SLIT2: variants seen among roughly 807,000 people sequenced by gnomAD.
The protein encoded by SLIT2 is slit homolog 2 protein.
A neutral mutation model predicts 185.7 loss-of-function variants in SLIT2; 41 were observed. The observed-to-expected ratio is 0.22, with a 90% CI of 0.17 to 0.29. The LOEUF (loss-of-function observed/expected upper bound fraction) is 0.29, where lower values mean the gene tolerates loss of function less well. SLIT2 is among the 10% of genes least tolerant of loss of function. The pLI, the probability that SLIT2 is intolerant of heterozygous loss-of-function variation, is 1.00. For missense variants in SLIT2, 1,571 were observed against 1,909.0 expected (o/e 0.82, Z 3.30); for synonymous variants, 693 against 680.2 (o/e 1.02, Z -0.29).
chr4:20,253,670 T>G lies in SLIT2; in HGVS notation c.-146T>G. ...TGCCTGAGTGGGCTCTACTGCCTTGTTCCATATTATTTGGTGCACATTTTC... is the reference window on the plus strand; with the variant it reads ...TGCCTGAGTGGGCTCTACTGCCTTGGTCCATATTATTTGGTGCACATTTTC... On this transcript the variant is annotated 5_prime_UTR_variant, in exon 1 of 37. Coordinates refer to ENST00000504154, the MANE Select transcript of SLIT2 (RefSeq NM_004787.4). The G allele has an allele frequency of 2.2e-6, 2 of 915,200 alleles. No homozygotes were observed. The highest frequency in any genetic ancestry group is 3.3e-6 in the Non-Finnish European group (2 of 603,490). 56.7% of individuals were successfully genotyped at this position (915,200 alleles called of 1,614,324 possible). A position where few individuals can be genotyped will look rare whatever the true frequency, so the allele number is the denominator to read the frequency against.
At chr4:20,552,442 T>G (rs903003690) in intron 25 of SLIT2, 4 of 151,868 alleles carry the variant, frequency 2.6e-5, no homozygotes, top group African/African-American at 9.7e-5. Flanking sequence ...AGTGTACATG[T>G]GCACAACGTG....
intron 4 of SLIT2, among the ~76,000 whole-genome samples, chr4:20,369,062 C>T (rs146593716): frequency 3.9e-4 from 59 of 152,208 alleles, no homozygotes; most frequent in African/African-American, 1.4e-3. Context: ...ACTAAATCCT[C>T]AGTCAATTTA....
chr4:20,404,578 G>A (rs1309573796), intron 4 of SLIT2, among the ~76,000 whole-genome samples: 1 of 151,976 alleles, frequency 6.6e-6, no homozygotes, highest in African/African-American at 2.4e-5. Context: ...TAATAATCCA[G>A]TGCAAAACCT....
intron 4 of SLIT2, among the ~76,000 whole-genome samples, chr4:20,400,852 T>TA (rs1726288431): frequency 6.6e-6 from 1 of 151,780 alleles, no homozygotes; most frequent in Non-Finnish European, 1.5e-5. Flanking sequence ...GAATTTCAGA[T>TA]AAACATGTGG....
intron 29 of SLIT2, among the ~76,000 whole-genome samples, chr4:20,578,710 C>T (rs1263785741): frequency 6.6e-6 from 1 of 152,090 alleles, no homozygotes; most frequent in East Asian, 1.9e-4. Flanking sequence ...CCAGCAACAC[C>T]ATGTACTGCT....
In SLIT2 at chr4:20,510,559, A is replaced by T; in HGVS notation, c.979A>T (p.Arg327Ter). Reference sequence around the variant, plus strand: ...AGCTTTCTCACCATATAAAAAGCTTAGACGAATGTGAGTGAACAATATTCT... The same window carrying T: ...AGCTTTCTCACCATATAAAAAGCTTTGACGAATGTGAGTGAACAATATTCT... Reference protein sequence around the residue: ...PGAFSPYKKLRRIDLSNNQIS... With the variant: ...PGAFSPYKKL Residue 327 changes from arginine to a stop codon, truncating the protein, a stop_gained, in exon 10 of 37, where the codon AGA (arginine) becomes TGA (stop). Transcript: ENST00000504154. LOFTEE classifies it high-confidence loss of function. 6.3e-7 allele frequency: 1 copy of T among 1,594,176 alleles called. No homozygotes were observed. The highest frequency in any genetic ancestry group is 1.1e-5 in the South Asian group (1 of 90,602).
chr4:20,436,557 C>T lies in SLIT2; in HGVS notation c.396-31195C>T, dbSNP rs544837150. ...TTGCACTTTTTAGGGTATTTGTCTT[C>T]GATTTTATCAACATAAAACATCAAA... On this transcript the variant is annotated intron_variant, in intron 4 of 36. Coordinates refer to ENST00000504154, the MANE Select transcript of SLIT2 (RefSeq NM_004787.4). 4.5e-3 allele frequency among the ~76,000 whole-genome samples: 688 copies of T among 152,198 alleles called. 6 individuals are homozygous for T. The highest frequency in any genetic ancestry group is 6.8e-3 in the Middle Eastern group (2 of 294).
chr4:20,614,685 G>A (rs552988056), intron 34 of SLIT2, among the ~76,000 whole-genome samples: 1 of 151,764 alleles, frequency 6.6e-6, no homozygotes, highest in African/African-American at 2.4e-5. Flanking sequence ...GCTGAAGCAG[G>A]AGAATCGCTT....
intron 9 of SLIT2, among the ~76,000 whole-genome samples, chr4:20,503,812 A>G (rs1009956284): frequency 9.9e-5 from 15 of 152,164 alleles, no homozygotes; most frequent in Admixed American, 2.0e-4. Context: ...ATGTAAAATA[A>G]AATTTAAAAA....
intron 4 of SLIT2, among the ~76,000 whole-genome samples, chr4:20,349,471 A>G (rs138443171): frequency 1.3e-5 from 2 of 152,152 alleles, no homozygotes; most frequent in African/African-American, 4.8e-5. Context: ...TTTTTATTCT[A>G]ATGGTAACCA....
intron 3 of SLIT2, among the ~76,000 whole-genome samples, chr4:20,262,647 CAT>C (rs1249702820): frequency 3.3e-5 from 5 of 151,808 alleles, no homozygotes; most frequent in African/African-American, 1.2e-4. Flanking sequence ...TTAAAGGACA[CAT>C]CAAACTCTAA....
rs569951017 is a variant in SLIT2 at position 20,620,511 on chromosome 4, A to T, written c.*1502A>T. 2.3e-6 allele frequency: 1 copy of T among 429,026 alleles called. No homozygotes were observed. Among genetic ancestry groups the T allele is most frequent in the African/African-American group, 2.0e-5 (1 of 48,958 alleles). The allele number at this position is 429,026 out of a possible 1,614,324, so 26.6% of individuals were successfully genotyped here. A position where few individuals can be genotyped will look rare whatever the true frequency, so the allele number is the denominator to read the frequency against. On this transcript the variant is annotated 3_prime_UTR_variant, in exon 37 of 37. Transcript: ENST00000504154. Reference sequence around the variant, plus strand: ...GTGCTTTGTCTTTCTCCAGATTAATATCGGTTACACTGCTGATGTTTGTAA... The same window carrying T: ...GTGCTTTGTCTTTCTCCAGATTAATTTCGGTTACACTGCTGATGTTTGTAA...
At chr4:20,527,823 C>T (rs1721431131) in intron 15 of SLIT2, among the ~76,000 whole-genome samples, 1 of 151,926 alleles carries the variant, frequency 6.6e-6, no homozygotes, top group Non-Finnish European at 1.5e-5. Context: ...TCTTTCTTTC[C>T]TTCTTGGTGA....
chr4:20,581,745 C>T (rs1319759847), intron 29 of SLIT2, among the ~76,000 whole-genome samples: 1 of 152,088 alleles, frequency 6.6e-6, no homozygotes, highest in East Asian at 1.9e-4. Flanking sequence ...TTCTCTCTTT[C>T]TCTCTCTTTC....
intron 4 of SLIT2, among the ~76,000 whole-genome samples, chr4:20,444,077 T>C (rs1729971277): frequency 6.6e-6 from 1 of 152,074 alleles, no homozygotes; most frequent in Non-Finnish European, 1.5e-5. Flanking sequence ...GGGACAAAGA[T>C]TACTGTGGAT....
chr4:20,547,828 G>A (rs1348654472), intron 22 of SLIT2, among the ~76,000 whole-genome samples: 1 of 151,740 alleles, frequency 6.6e-6, no homozygotes, highest in Non-Finnish European at 1.5e-5. Context: ...ATACATATAA[G>A]TAGCCATTTA....
intron 9 of SLIT2, among the ~76,000 whole-genome samples, chr4:20,497,108 T>A (rs1216752448): frequency 6.6e-6 from 1 of 151,998 alleles, no homozygotes; most frequent in East Asian, 1.9e-4. Context: ...CAGCATTTAA[T>A]AGGTACCCTA....
In SLIT2 at chr4:20,510,486, TCA is replaced by T. The variant is rs1719606659; in HGVS notation, c.915-8_915-7del. ...TTCCATTTAAAAGTTGAATTTTTTTTCATTGCAGACGTTTGGAACAGAACACA... is the reference window on the plus strand; with the variant it reads ...TTCCATTTAAAAGTTGAATTTTTTTTTTGCAGACGTTTGGAACAGAACACA... On this transcript the variant is annotated splice_region_variant and splice_polypyrimidine_tract_variant and intron_variant, in intron 9 of 36. Transcript: ENST00000504154. 6.3e-7 allele frequency: 1 copy of T among 1,598,288 alleles called. No individual in the cohort carries two copies. Among genetic ancestry groups the T allele is most frequent in the African/African-American group, 1.3e-5 (1 of 74,534 alleles).
chr4:20,615,607 A>T (rs1729590365), intron 34 of SLIT2: 1 of 152,274 alleles, frequency 6.6e-6, no homozygotes, highest in Non-Finnish European at 1.5e-5. Flanking sequence ...CTCCAAGTGC[A>T]CGCAGAACCA....
Sources: gnomAD v4.1 joint callset for allele counts (sites outside exome capture counted in the v4.1 genomes callset) on GRCh38, gnomAD v4.1.1 for gene constraint, MANE v1.5 for transcripts, NCBI Gene and HGNC (gene_info 2026-07-23, HGNC 2026-07-21) for gene names.